CPT1A: variants seen among roughly 807,000 people sequenced by gnomAD.
CPT1A encodes carnitine palmitoyltransferase 1A.
Under a neutral mutation model 100.8 loss-of-function variants are expected in CPT1A, and 64 were observed. The observed-to-expected ratio is 0.63, with a 90% CI of 0.52 to 0.78. The LOEUF (loss-of-function observed/expected upper bound fraction) is 0.78. Ranked by LOEUF, CPT1A falls within the 30% of genes least tolerant of loss-of-function variation. The pLI is 0.00. For synonymous variants in CPT1A, 363 were observed against 396.0 expected (o/e 0.92, Z 0.99); for missense variants, 802 against 1,034.1 (o/e 0.78, Z 3.08).
rs908486151 is a variant in CPT1A at position 68,780,815 on chromosome 11, C to T, written c.1353-70G>A. 97 of 1,100,190 alleles carry T rather than the reference C, an allele frequency of 8.8e-5. No homozygotes were observed. In the African/African-American group the frequency reaches 1.4e-3, roughly 15 times the overall value. The allele number at this position is 1,100,190 out of a possible 1,614,324, so 68.2% of individuals were successfully genotyped here. On this transcript the variant is annotated intron_variant, in intron 11 of 18. Coordinates refer to ENST00000265641, the MANE Select transcript of CPT1A (RefSeq NM_001876.4). ...AACAATGAGGAGACATTGCACCTCT[C>T]TGCTTCATCCTGGATGGACTAATTC...
rs758916498 is a variant in CPT1A at position 68,761,624 on chromosome 11, C to T, written c.1939G>A (p.Ala647Thr). Residue 647 changes from alanine (A) to threonine (T), a missense_variant, in exon 16 of 19, where the codon GCC becomes ACC. Ala to Thr is a moderately conservative substitution (Grantham distance 58). Transcript: ENST00000265641. The part of the protein sequence containing the change: ...SEKHQHMYRL[A>T]MTGSGIDRHL... ...CGATCGATCCCAGAGCCGGTCATGG[C>T]GAGGCGATACATATGCTGATGCTTC... The T allele has an allele frequency of 6.8e-6, 11 of 1,613,962 alleles. No individual in the cohort carries two copies. Among genetic ancestry groups the T allele is most frequent in the Non-Finnish European group, 9.3e-6 (11 of 1,180,022 alleles).
intron 14 of CPT1A, among the ~76,000 whole-genome samples, chr11:68,766,271 C>G (rs2924670): frequency 5.1e-4 from 77 of 151,976 alleles, no homozygotes; most frequent in African/African-American, 1.8e-3. Context: ...GGTCCCCAGG[C>G]TCTCCTAGGC....
At chr11:68,773,705 A>G in intron 13 of CPT1A, 1 of 429,644 alleles carries the variant, frequency 2.3e-6, no homozygotes, top group Non-Finnish European at 4.3e-6. Flanking sequence ...CGCGACCATC[A>G]GTGATGGTCA....
chr11:68,795,467 A>T (rs1855731616), intron 7 of CPT1A, among the ~76,000 whole-genome samples: 1 of 152,216 alleles, frequency 6.6e-6, no homozygotes, highest in Admixed American at 6.5e-5. Flanking sequence ...CGGGAAGGGC[A>T]TCAGATAAAT....
At chr11:68,801,534 G>A (rs1269515749) in intron 5 of CPT1A, among the ~76,000 whole-genome samples, 2 of 151,936 alleles carry the variant, frequency 1.3e-5, no homozygotes, top group African/African-American at 4.8e-5. Context: ...GGAGGCTGAG[G>A]CAAGATAATT....
At position 68,841,243 on chromosome 11, in the gene CPT1A, T is replaced by C. The variant is rs779917695; in HGVS notation, c.-14+532A>G. On this transcript the variant is annotated intron_variant, in intron 1 of 18. Transcript: ENST00000265641. The surrounding 1 kb of genome is among the most constrained non-coding windows in gnomAD (Gnocchi z 6.3). ...GGGCGGACCCCCAGACCCAATCCTC[T>C]CCAGAGCCAGGGTGGGATGGGCAGG... is the stretch of plus-strand genomic sequence containing the variant. Among the ~76,000 whole-genome samples the C allele has an allele frequency of 9.6e-4, 145 of 150,394 alleles. No individual in the cohort carries two copies. The highest frequency in any genetic ancestry group is 1.8e-3 in the Non-Finnish European group (122 of 67,534).
rs1218531733 is a variant in CPT1A at position 68,798,533 on chromosome 11, G to A, written c.693+685C>T. ...AGGCCTGCTCTTGCCCTCCCAGTAC[G>A]TGGAAGCCCAGCCAGCTCCCCGCAC... On this transcript the variant is annotated intron_variant, in intron 6 of 18. Transcript: ENST00000265641. Among the ~76,000 whole-genome samples, 7 of 151,992 alleles carry A rather than the reference G, an allele frequency of 4.6e-5. No homozygotes were observed. The East Asian group carries it at 5.8e-4, about 13-fold the overall frequency.
chr11:68,802,399 G>GC (rs1334155978), intron 5 of CPT1A, among the ~76,000 whole-genome samples: 3 of 149,484 alleles, frequency 2.0e-5, no homozygotes, highest in African/African-American at 7.4e-5. Context: ...TTCAACACGA[G>GC]CCTGGACAAG....
chr11:68,782,013 G>T, intron 10 of CPT1A, 54 bp from the exon 11 acceptor site: 1 of 1,500,942 alleles, frequency 6.7e-7, no homozygotes, highest in Non-Finnish European at 9.3e-7. Flanking sequence ...GCGATGGAGC[G>T]TGATGTTTGA....
intron 10 of CPT1A, among the ~76,000 whole-genome samples, chr11:68,783,249 C>T (rs1855363445): frequency 6.6e-6 from 1 of 152,134 alleles, no homozygotes; most frequent in Non-Finnish European, 1.5e-5. Context: ...CCAGAAGAAT[C>T]TCCCACATTA....
At chr11:68,790,977 C>A (rs914804718) in intron 9 of CPT1A, among the ~76,000 whole-genome samples, 3 of 152,078 alleles carry the variant, frequency 2.0e-5, no homozygotes, top group Non-Finnish European at 4.4e-5. Flanking sequence ...GTATGCACCA[C>A]CACACCTGGC....
chr11:68,838,492 G>A (rs763534513), intron 1 of CPT1A, among the ~76,000 whole-genome samples: 8 of 143,500 alleles, frequency 5.6e-5, no homozygotes, highest in Non-Finnish European at 1.2e-4. Flanking sequence ...TGTACATGTC[G>A]TCAAAGAAAC....
In CPT1A at chr11:68,794,821, G is replaced by C. The variant is rs750821338; in HGVS notation, c.862C>G (p.Arg288Gly). ...TTGCCTACTGGTTTGATTTCCTCCCGGTCCAGTTTGCGCCTGTAAAGCAGG... is the reference window on the plus strand; with the variant it reads ...TTGCCTACTGGTTTGATTTCCTCCCCGTCCAGTTTGCGCCTGTAAAGCAGG... ...AILLYRRKLD[R>G]EEIKPIRLLG... The change falls in exon 8 of 19, where the codon CGG becomes GGG. Residue 288 changes from arginine to glycine, a missense_variant. Around this residue, in one of 4 missense-constraint regions of CPT1A, gnomAD observed 627 missense variants for 799.3 expected, o/e 0.78. Coordinates refer to ENST00000265641, the MANE Select transcript of CPT1A (RefSeq NM_001876.4). The C allele has an allele frequency of 1.9e-6, 3 of 1,613,840 alleles. No individual in the cohort carries two copies. The South Asian group carries it at 3.3e-5, about 18-fold the overall frequency.
At chr11:68,779,979 G>A (rs142667866) in intron 12 of CPT1A, among the ~76,000 whole-genome samples, 5 of 152,046 alleles carry the variant, frequency 3.3e-5, no homozygotes, top group East Asian at 3.9e-4. Flanking sequence ...TAAAAAATGC[G>A]GTAGGTAGGA....
At chr11:68,820,813 C>T (rs563680156) in intron 1 of CPT1A, among the ~76,000 whole-genome samples, 9 of 152,294 alleles carry the variant, frequency 5.9e-5, no homozygotes, top group African/African-American at 2.2e-4. Flanking sequence ...GCTGTCAACA[C>T]TCCCTGCCTA....
intron 1 of CPT1A, among the ~76,000 whole-genome samples, chr11:68,826,507 G>A (rs1856735346): frequency 6.6e-6 from 1 of 151,678 alleles, no homozygotes; most frequent in Non-Finnish European, 1.5e-5. Context: ...GGCCGAGGGG[G>A]GCAGATCATG....
intron 1 of CPT1A, among the ~76,000 whole-genome samples, chr11:68,837,298 G>A (rs1433938732): frequency 3.3e-5 from 5 of 152,236 alleles, no homozygotes; most frequent in Non-Finnish European, 5.9e-5. Flanking sequence ...TCCGCCCATC[G>A]TGGCCTCCAG....
intron 14 of CPT1A, among the ~76,000 whole-genome samples, chr11:68,769,654 T>C (rs879389066): frequency 1.7e-4 from 26 of 152,116 alleles, no homozygotes; most frequent in Admixed American, 1.6e-3. Flanking sequence ...TCAAAAATGT[T>C]ACAGGTGACT....
intron 5 of CPT1A, among the ~76,000 whole-genome samples, chr11:68,803,377 C>T (rs1402990948): frequency 1.3e-5 from 2 of 152,088 alleles, no homozygotes; most frequent in African/African-American, 4.8e-5. Flanking sequence ...GGAATGACTG[C>T]AATCATTTAA....
Sources: allele counts gnomAD v4.1 joint callset (sites outside exome capture counted in the v4.1 genomes callset), GRCh38; gene constraint gnomAD v4.1.1; regional missense constraint gnomAD v4.1.1; non-coding constraint Gnocchi (gnomAD v3.1); transcripts MANE v1.5; gene names NCBI Gene and HGNC (gene_info 2026-07-23, HGNC 2026-07-21).